EDIL3: variants seen among roughly 807,000 people sequenced by gnomAD.
The protein encoded by EDIL3 is EGF like and discoidin domains 3.
A neutral mutation model predicts 67.4 loss-of-function variants in EDIL3; 37 were observed. The observed-to-expected ratio is 0.55, with a 90% CI of 0.42 to 0.72. The LOEUF (loss-of-function observed/expected upper bound fraction) is 0.72. Among genes scored for constraint, EDIL3 ranks in the 30% least tolerant of loss-of-function variants. The pLI is 0.00. For missense variants in EDIL3, 527 were observed against 586.3 expected (o/e 0.90, Z 1.04); for synonymous variants, 195 against 196.3 (o/e 0.99, Z 0.05).
At chr5:83,979,645 A>G (rs2112147055) in intron 9 of EDIL3, among the ~76,000 whole-genome samples, 1 of 152,254 alleles carries the variant, frequency 6.6e-6, no homozygotes, top group South Asian at 2.1e-4. Context: ...TACATTGCAG[A>G]TGAATATGAA....
chr5:84,134,456 G>A (rs1727627399), intron 5 of EDIL3, among the ~76,000 whole-genome samples: 1 of 152,118 alleles, frequency 6.6e-6, no homozygotes, highest in Non-Finnish European at 1.5e-5. Flanking sequence ...AACCAGCACA[G>A]GAGTTATCAT....
At chr5:84,265,364 G>T (rs957493534) in intron 1 of EDIL3, among the ~76,000 whole-genome samples, 2 of 152,144 alleles carry the variant, frequency 1.3e-5, no homozygotes, top group African/African-American at 2.4e-5. Context: ...TGCCAAACTT[G>T]ACTGTATATG....
intron 6 of EDIL3, among the ~76,000 whole-genome samples, chr5:84,096,244 T>A (rs1216563605): frequency 1.3e-5 from 2 of 151,868 alleles, no homozygotes; most frequent in African/African-American, 4.8e-5. Context: ...AAATGGTAGA[T>A]CCCCCAACAG....
intron 1 of EDIL3, among the ~76,000 whole-genome samples, chr5:84,383,494 T>C (rs761993211): frequency 7.9e-5 from 12 of 152,242 alleles, no homozygotes; most frequent in Non-Finnish European, 1.8e-4. Flanking sequence ...CTGTTTTTAT[T>C]TTTTCGTGCA....
intron 3 of EDIL3, among the ~76,000 whole-genome samples, chr5:84,208,016 G>A (rs1338916205): frequency 1.3e-5 from 2 of 151,032 alleles, no homozygotes; most frequent in East Asian, 3.9e-4. Context: ...AACACCAAAA[G>A]CAATGGCAAC....
At chr5:84,185,803 G>A (rs932874826) in intron 3 of EDIL3, among the ~76,000 whole-genome samples, 2 of 152,044 alleles carry the variant, frequency 1.3e-5, no homozygotes, top group African/African-American at 4.8e-5. Context: ...ATTAGAATGT[G>A]TACTTTTGCA....
intron 9 of EDIL3, among the ~76,000 whole-genome samples, chr5:83,979,832 C>T (rs1744939351): frequency 6.6e-6 from 1 of 152,056 alleles, no homozygotes; most frequent in Non-Finnish European, 1.5e-5. Flanking sequence ...CTCAATTTGA[C>T]TCTTCGGAGG....
At chr5:84,090,161 A>G (rs1244860922) in intron 6 of EDIL3, among the ~76,000 whole-genome samples, 2 of 152,214 alleles carry the variant, frequency 1.3e-5, no homozygotes, top group African/African-American at 4.8e-5. Context: ...TACCATTTTT[A>G]GTTCATGGAG....
At chr5:84,019,855 G>C (rs1394240106) in intron 9 of EDIL3, among the ~76,000 whole-genome samples, 1 of 151,972 alleles carries the variant, frequency 6.6e-6, no homozygotes, top group Non-Finnish European at 1.5e-5. Context: ...TAGCTCCTGA[G>C]TTGCTGGAAC....
chr5:84,135,101 C>G (rs1441521347), intron 5 of EDIL3, among the ~76,000 whole-genome samples: 1 of 152,122 alleles, frequency 6.6e-6, no homozygotes, highest in Non-Finnish European at 1.5e-5. Flanking sequence ...GACCTGTTTC[C>G]CTATTCCTCC....
At position 84,254,122 on chromosome 5, in the gene EDIL3, C is replaced by T; in HGVS notation, c.158G>A (p.Gly53Asp). ...DGSFSCECPD[G>D]FTDPNCSSVV... Reference sequence around the variant, plus strand: ...ACTAGAACAGTTGGGGTCTGTGAAGCCATCTGGACACTCACAGGAAAAGGA... The same window carrying T: ...ACTAGAACAGTTGGGGTCTGTGAAGTCATCTGGACACTCACAGGAAAAGGA... Residue 53 changes from glycine to aspartate, a missense_variant, in exon 2 of 11, where the codon GGC becomes GAC. By Grantham distance (94) the Gly-to-Asp change is moderately conservative. Coordinates refer to ENST00000296591, the MANE Select transcript of EDIL3 (RefSeq NM_005711.5). 6.2e-7 allele frequency: 1 copy of T among 1,612,068 alleles called. No individual in the cohort carries two copies. The highest frequency in any genetic ancestry group is 8.5e-7 in the Non-Finnish European group (1 of 1,179,022).
intron 1 of EDIL3, among the ~76,000 whole-genome samples, chr5:84,338,083 T>C (rs962722920): frequency 2.6e-5 from 4 of 152,186 alleles, no homozygotes; most frequent in Admixed American, 6.6e-5. Flanking sequence ...TTTAGATTTA[T>C]GCTATTTTAA....
chr5:84,173,181 T>A (rs1748841846), intron 4 of EDIL3, among the ~76,000 whole-genome samples: 1 of 151,838 alleles, frequency 6.6e-6, no homozygotes. Flanking sequence ...ACCACATGAG[T>A]ATGGAGGTGC....
rs140028928 is a variant in EDIL3 at position 84,242,968 on chromosome 5, G to A, written c.196+11116C>T. Among the ~76,000 whole-genome samples the A allele has an allele frequency of 2.6e-5, 4 of 152,210 alleles. No individual in the cohort carries two copies. The East Asian group carries it at 5.8e-4, about 22-fold the overall frequency. Reference sequence around the variant, plus strand: ...TTAACACCTGTTCTTCCACTGAGCAGGAATCAATGACCTTGGTCTAATCAT... The same window carrying A: ...TTAACACCTGTTCTTCCACTGAGCAAGAATCAATGACCTTGGTCTAATCAT... On this transcript the variant is annotated intron_variant, in intron 2 of 10. Coordinates refer to ENST00000296591, the MANE Select transcript of EDIL3 (RefSeq NM_005711.5).
intron 9 of EDIL3, among the ~76,000 whole-genome samples, chr5:84,060,071 C>T (rs541010194): frequency 6.6e-6 from 1 of 152,260 alleles, no homozygotes; most frequent in East Asian, 1.9e-4. Flanking sequence ...TGATCTGGTA[C>T]AGTCTCCTGC....
intron 5 of EDIL3, among the ~76,000 whole-genome samples, chr5:84,113,482 T>C (rs2112290398): frequency 6.6e-6 from 1 of 152,300 alleles, no homozygotes; most frequent in Middle Eastern, 3.4e-3. Context: ...CTGGGCTAGC[T>C]GGGGGCCAAA....
At chr5:84,318,616 G>A (rs1746562344) in intron 1 of EDIL3, among the ~76,000 whole-genome samples, 2 of 152,188 alleles carry the variant, frequency 1.3e-5, no homozygotes, top group South Asian at 4.1e-4. Flanking sequence ...GCAGAAAGCT[G>A]AAACTGGACC....
intron 4 of EDIL3, among the ~76,000 whole-genome samples, chr5:84,148,681 G>A (rs116358662): frequency 0.016 from 2,426 of 152,094 alleles, 72 homozygotes; most frequent in African/African-American, 0.056. Flanking sequence ...TATTTTGTGG[G>A]TTCCTGGCAG....
intron 9 of EDIL3, among the ~76,000 whole-genome samples, chr5:84,054,530 C>A (rs1047241353): frequency 3.3e-5 from 5 of 152,126 alleles, no homozygotes; most frequent in African/African-American, 1.2e-4. Flanking sequence ...TCCCTGTTTG[C>A]AGATGACATG....
Sources: allele counts gnomAD v4.1 joint callset (sites outside exome capture counted in the v4.1 genomes callset), GRCh38; gene constraint gnomAD v4.1.1; transcripts MANE v1.5; gene names NCBI Gene and HGNC (gene_info 2026-07-23, HGNC 2026-07-21).